The following PLCL2 variants were observed in gnomAD, a reference collection of about 807,000 sequenced individuals.
PLCL2 encodes the protein phospholipase C like 2.
Under a neutral mutation model 79.6 loss-of-function variants are expected in PLCL2, and 4 were observed. That is an observed-to-expected ratio of 0.05 (90% CI 0.02 to 0.11). The LOEUF is 0.11. Among genes scored for constraint, PLCL2 ranks in the 10% least tolerant of loss-of-function variants. PLCL2 has a pLI of 1.00. For synonymous variants in PLCL2, 484 were observed against 457.7 expected (o/e 1.06, Z -0.73); for missense variants, 895 against 1,291.0 (o/e 0.69, Z 4.70).
In PLCL2 at chr3:16,969,761, G is replaced by C. The variant is rs532999939; in HGVS notation, c.328-39913G>C. Among the ~76,000 whole-genome samples, 102 of 151,782 alleles carry C rather than the reference G, an allele frequency of 6.7e-4. 1 individual carries two copies. Among genetic ancestry groups the C allele is most frequent in the Admixed American group, 4.3e-3 (66 of 15,206 alleles). On this transcript the variant is annotated intron_variant, in intron 1 of 5. Coordinates refer to ENST00000615277, the MANE Select transcript of PLCL2 (RefSeq NM_001144382.2). Reference sequence around the variant, plus strand: ...TTCATCCAGTTCAGCTCTGATTTTGGTTCTTTTCTTCTGCTAGCTTTGGTA... The same window carrying C: ...TTCATCCAGTTCAGCTCTGATTTTGCTTCTTTTCTTCTGCTAGCTTTGGTA...
At chr3:17,057,008 G>C (rs4561816) in intron 4 of PLCL2, among the ~76,000 whole-genome samples, 90,656 of 151,982 alleles carry the variant, frequency 0.6, 27,540 homozygotes, top group African/African-American at 0.71. Flanking sequence ...ATTGTCCTGG[G>C]TGAAGGGAAA....
At chr3:16,934,820 A>C (rs149343751) in intron 1 of PLCL2, among the ~76,000 whole-genome samples, 2 of 152,218 alleles carry the variant, frequency 1.3e-5, no homozygotes, top group African/African-American at 2.4e-5. Flanking sequence ...AGACGTGGGC[A>C]TGGAGGCAGA....
intron 1 of PLCL2, among the ~76,000 whole-genome samples, chr3:16,922,359 G>A (rs1697142369): frequency 6.6e-6 from 1 of 152,090 alleles, no homozygotes; most frequent in Admixed American, 6.5e-5. Flanking sequence ...TAACTGGATG[G>A]AACTTTCTTT....
At chr3:16,922,266 C>T (rs1050798428) in intron 1 of PLCL2, among the ~76,000 whole-genome samples, 5 of 152,144 alleles carry the variant, frequency 3.3e-5, no homozygotes, top group Admixed American at 1.3e-4. Context: ...TATTACCTCC[C>T]TCAAAGCTTT....
chr3:16,910,455 C>T (rs1223720500), intron 1 of PLCL2, among the ~76,000 whole-genome samples: 1 of 152,092 alleles, frequency 6.6e-6, no homozygotes, highest in African/African-American at 2.4e-5. Context: ...CGCTTGGCTT[C>T]CAGGGCTCCC....
intron 1 of PLCL2, among the ~76,000 whole-genome samples, chr3:16,928,702 T>C (rs929850781): frequency 2.0e-5 from 3 of 152,230 alleles, no homozygotes; most frequent in Non-Finnish European, 4.4e-5. Flanking sequence ...GCTCAATTTA[T>C]AAAAGCAGTA....
At position 17,068,070 on chromosome 3, in the gene PLCL2, CTA is replaced by C; in HGVS notation, c.3204+8_3204+9del. 6.6e-7 allele frequency: 1 copy of C among 1,505,614 alleles called. No homozygotes were observed. The highest frequency in any genetic ancestry group is 1.4e-5 in the African/African-American group (1 of 72,672). The allele number at this position is 1,505,614 out of a possible 1,614,324, so 93.3% of individuals were successfully genotyped here. A position where few individuals can be genotyped will look rare whatever the true frequency, so the allele number is the denominator to read the frequency against. On this transcript the variant is annotated splice_donor_region_variant and intron_variant, in intron 5 of 5. Transcript: ENST00000615277. ...TGGAATATTACCATCTTAAAGGTAT[CTA>C]TAGAGTTGTTTCTGATGCTGGTGAT...
At chr3:16,969,479 G>A (rs2063836959) in intron 1 of PLCL2, among the ~76,000 whole-genome samples, 1 of 152,086 alleles carries the variant, frequency 6.6e-6, no homozygotes, top group Admixed American at 6.6e-5. Context: ...GAGGTTGTAT[G>A]TTTCCAGGAA....
chr3:17,001,833 A>G (rs1025116997), intron 1 of PLCL2, among the ~76,000 whole-genome samples: 3 of 148,976 alleles, frequency 2.0e-5, no homozygotes, highest in East Asian at 3.9e-4. Context: ...TGCTTTGGCT[A>G]TTTGGGGTCT....
chr3:16,986,181 T>C (rs186041112), intron 1 of PLCL2, among the ~76,000 whole-genome samples: 9 of 152,212 alleles, frequency 5.9e-5, no homozygotes, highest in South Asian at 4.1e-4. Flanking sequence ...GCTTTGTCGT[T>C]GTGGACAACT....
At chr3:16,918,700 A>G (rs1019547135) in intron 1 of PLCL2, among the ~76,000 whole-genome samples, 7 of 152,224 alleles carry the variant, frequency 4.6e-5, no homozygotes, top group African/African-American at 1.2e-4. Context: ...CTAAGCCAGT[A>G]TAATGACCTG....
At chr3:17,077,127 C>T (rs1248963973) in intron 5 of PLCL2, among the ~76,000 whole-genome samples, 2 of 152,196 alleles carry the variant, frequency 1.3e-5, no homozygotes, top group Admixed American at 6.5e-5. Context: ...TTCCCCTTTC[C>T]TGCACTGCAT....
chr3:17,079,772 A>T (rs2065143734), intron 5 of PLCL2, among the ~76,000 whole-genome samples: 1 of 152,210 alleles, frequency 6.6e-6, no homozygotes, highest in Admixed American at 6.5e-5. Context: ...CTTTTGTACA[A>T]ACCTCTGAGC....
intron 3 of PLCL2, chr3:17,035,765 A>G (rs374114254): frequency 1.9e-6 from 1 of 516,488 alleles, no homozygotes; most frequent in African/African-American, 1.9e-5. Flanking sequence ...GTTTCCTTAC[A>G]TTCTCTAATA....
intron 1 of PLCL2, among the ~76,000 whole-genome samples, chr3:16,896,019 T>G (rs564893712): frequency 6.6e-6 from 1 of 152,202 alleles, no homozygotes; most frequent in East Asian, 1.9e-4. Context: ...GGTTGGTGAT[T>G]CCAAATGTGG....
intron 3 of PLCL2, among the ~76,000 whole-genome samples, chr3:17,024,601 A>T (rs1297752091): frequency 6.6e-6 from 1 of 152,224 alleles, no homozygotes; most frequent in Admixed American, 6.5e-5. Flanking sequence ...TCAAACAGAA[A>T]AGCAATGATC....
At position 17,012,125 on chromosome 3, in the gene PLCL2, A is replaced by C; in HGVS notation, c.2779A>C (p.Ile927Leu). ...GGTATTCAAGAATGCCCAGCCCCCT[A>C]TACGGGATGCCACAGATCTGAGAGA... ...DEVFKNAQPPIRDATDLRENM... is the reference protein window; with the variant it reads ...DEVFKNAQPPLRDATDLRENM... The change falls in exon 2 of 6, where the codon ATA becomes CTA. Residue 927 changes from isoleucine (I) to leucine (L), a missense_variant. By Grantham distance (5) the Ile-to-Leu change is conservative (BLOSUM62 2). Around this residue, in one of 6 missense-constraint regions of PLCL2, gnomAD observed 298 missense variants for 459.6 expected, o/e 0.65. Transcript: ENST00000615277. The C allele has an allele frequency of 1.2e-6, 2 of 1,613,818 alleles. No homozygotes were observed. Among genetic ancestry groups the C allele is most frequent in the Non-Finnish European group, 1.7e-6 (2 of 1,179,672 alleles).
chr3:16,987,243 C>T (rs2064060270), intron 1 of PLCL2, among the ~76,000 whole-genome samples: 1 of 152,030 alleles, frequency 6.6e-6, no homozygotes, highest in Non-Finnish European at 1.5e-5. Flanking sequence ...AATGACAGTG[C>T]TCTTTATTGG....
intron 5 of PLCL2, among the ~76,000 whole-genome samples, chr3:17,070,811 C>T (rs974327609): frequency 6.6e-6 from 1 of 152,094 alleles, no homozygotes; most frequent in Non-Finnish European, 1.5e-5. Flanking sequence ...GCAGTAAACA[C>T]ACAGCAGGAG....
Sources: gnomAD v4.1 joint callset for allele counts (sites outside exome capture counted in the v4.1 genomes callset) on GRCh38, gnomAD v4.1.1 for gene constraint, gnomAD v4.1.1 regional missense constraint, MANE v1.5 for transcripts, NCBI Gene and HGNC (gene_info 2026-07-23, HGNC 2026-07-21) for gene names.